Variants in RBBP8 observed in about 807,000 individuals in gnomAD.
The protein encoded by RBBP8 is RB binding protein 8, endonuclease, also known as DNA endonuclease RBBP8.
Under a neutral mutation model 108.3 loss-of-function variants are expected in RBBP8, and 88 were observed. The observed-to-expected ratio is 0.81, with a 90% confidence interval of 0.68 to 0.97. The LOEUF is 0.97. Ranked by LOEUF, RBBP8 falls within the 50% of genes least tolerant of loss-of-function variation. The probability of loss-of-function intolerance (pLI) is 0.00; values close to 1 mark genes in which losing one functional copy is unlikely to be tolerated. For missense variants in RBBP8, 1,023 were observed against 1,049.0 expected (o/e 0.98, Z 0.34); for synonymous variants, 332 against 348.2 (o/e 0.95, Z 0.52).
At chr18:22,942,140 G>C (rs577774105) in intron 2 of RBBP8, among the ~76,000 whole-genome samples, 75 of 152,158 alleles carry the variant, frequency 4.9e-4, no homozygotes, top group Admixed American at 1.1e-3. Context: ...ACATGGACTT[G>C]TCTGGACTTT....
Position 22,989,291 on chromosome 18 carries a change from A to G in RBBP8, c.780A>G (p.Thr260=). 2.5e-6 allele frequency: 4 copies of G among 1,608,612 alleles called. No homozygotes were observed. The highest frequency in any genetic ancestry group is 3.4e-6 in the Non-Finnish European group (4 of 1,175,328). The change falls in exon 9 of 19, where the codon ACA becomes ACG. Residue 260 remains threonine (T), a synonymous_variant. Transcript: ENST00000327155. ...SFNLATVVAE[T]LGLGVQEESE... ...ATTTAGCTACAGTTGTTGCTGAAAC[A>G]CTTGGACTTGGTGTTCAAGAAGAAT...
intron 3 of RBBP8, among the ~76,000 whole-genome samples, chr18:22,918,014 A>AAT (rs1567935595): frequency 6.7e-6 from 1 of 150,248 alleles, no homozygotes; most frequent in African/African-American, 2.5e-5. Flanking sequence ...AAAAAAAAAA[A>AAT]CATATAATGT....
In RBBP8 at chr18:23,022,256, C is replaced by T; in HGVS notation, c.2582C>T (p.Thr861Ile). The T allele has an allele frequency of 6.2e-7, 1 of 1,610,570 alleles. No homozygotes were observed. Among genetic ancestry groups the T allele is most frequent in the Non-Finnish European group, 8.5e-7 (1 of 1,176,898 alleles). Residue 861 changes from threonine (T) to isoleucine (I), a missense_variant, in exon 18 of 19, where the codon ACT becomes ATT. Coordinates refer to ENST00000327155, the MANE Select transcript of RBBP8 (RefSeq NM_002894.3). ...FWEVGFPSTQ[T>I]CMERGYIKED... is the part of the protein sequence containing the mutation. Reference sequence around the variant, plus strand: ...GAAGTTGGTTTTCCTTCCACTCAGACTTGTATGGAAAGAGGTGAGAGTATA... The same window carrying T: ...GAAGTTGGTTTTCCTTCCACTCAGATTTGTATGGAAAGAGGTGAGAGTATA...
intron 16 of RBBP8, among the ~76,000 whole-genome samples, chr18:23,015,557 C>T (rs555240965): frequency 8.9e-5 from 13 of 145,472 alleles, no homozygotes; most frequent in South Asian, 2.1e-4. Context: ...AAACATTTCC[C>T]GTATTTTTTT....
chr18:22,915,720 T>C (rs1468485954), intron 2 of RBBP8, among the ~76,000 whole-genome samples: 1 of 152,116 alleles, frequency 6.6e-6, no homozygotes, highest in Non-Finnish European at 1.5e-5. Flanking sequence ...ATATTGCATA[T>C]GATAATTTAA....
chr18:22,957,284 AC>A (rs1912640690), intron 4 of RBBP8, among the ~76,000 whole-genome samples: 1 of 90,340 alleles, frequency 1.1e-5, no homozygotes, highest in Admixed American at 1.4e-4. Context: ...TGTTGTAATT[AC>A]TTTTTCTTTT....
At position 22,949,598 on chromosome 18, in the gene RBBP8, AT is replaced by A. The variant is rs764092434; in HGVS notation, c.153-17del. 7 of 1,546,644 alleles carry A rather than the reference AT, an allele frequency of 4.5e-6. No individual in the cohort carries two copies. The Admixed American group carries it at 1.2e-4, about 26-fold the overall frequency. ...AAGAGTATTTTTATCTGAAAAACTT[AT>A]TTATTTTTTGACCTTTAGAGATGCA... is the stretch of plus-strand genomic sequence containing the variant. On this transcript the variant is annotated intron_variant, in intron 3 of 18. Transcript: ENST00000327155.
In RBBP8 at chr18:23,016,682, T is replaced by G. The variant is rs1736893166; in HGVS notation, c.2358-146T>G. Reference sequence around the variant, plus strand: ...TACCCATAAAAATACTTGGTGTATATATAGTAAGCACTTAATAAGTATTTG... The same window carrying G: ...TACCCATAAAAATACTTGGTGTATAGATAGTAAGCACTTAATAAGTATTTG... On this transcript the variant is annotated intron_variant, in intron 16 of 18. Transcript: ENST00000327155. 19 of 684,958 alleles carry G rather than the reference T, an allele frequency of 2.8e-5. 1 individual carries two copies. In the South Asian group the frequency reaches 3.2e-4, roughly 11 times the overall value. The allele number at this position is 684,958 out of a possible 1,614,324, so 42.4% of individuals were successfully genotyped here.
intron 2 of RBBP8, among the ~76,000 whole-genome samples, chr18:22,915,857 T>C (rs955848397): frequency 1.3e-5 from 2 of 152,120 alleles, no homozygotes; most frequent in African/African-American, 2.4e-5. Context: ...ATTTAAGAAC[T>C]AGATATACAT....
chr18:23,019,632 C>G (rs1352821241), intron 17 of RBBP8, among the ~76,000 whole-genome samples: 16 of 152,178 alleles, frequency 1.1e-4, no homozygotes, highest in Admixed American at 1.0e-3. Context: ...TTATTCACTA[C>G]TTTTTTCTTT....
At chr18:22,967,893 C>T (rs936297352) in intron 4 of RBBP8, among the ~76,000 whole-genome samples, 2 of 151,988 alleles carry the variant, frequency 1.3e-5, no homozygotes, top group Non-Finnish European at 2.9e-5. Flanking sequence ...GTGTTCCGCC[C>T]GCCTCGGCCT....
intron 16 of RBBP8, among the ~76,000 whole-genome samples, chr18:23,009,968 G>C (rs1327016414): frequency 6.6e-6 from 1 of 152,162 alleles, no homozygotes; most frequent in African/African-American, 2.4e-5. Context: ...CACCATGTTG[G>C]CCAGGATGGT....
intron 3 of RBBP8, among the ~76,000 whole-genome samples, chr18:22,927,726 C>A (rs1909844843): frequency 6.6e-6 from 1 of 151,918 alleles, no homozygotes. Flanking sequence ...CTGATTTTTA[C>A]TTAAAATGTA....
At position 22,936,843 on chromosome 18, in the gene RBBP8, T is replaced by C; in HGVS notation, c.-9T>C. 1 of 1,614,014 alleles carries C rather than the reference T, an allele frequency of 6.2e-7. No individual in the cohort carries two copies. Among genetic ancestry groups the C allele is most frequent in the South Asian group, 1.1e-5 (1 of 91,076 alleles). Reference sequence around the variant, plus strand: ...TAAGCAAGTAGAAGTGTGGAGCATATTAAGCAAGATGAACATCTCGGGAAG... The same window carrying C: ...TAAGCAAGTAGAAGTGTGGAGCATACTAAGCAAGATGAACATCTCGGGAAG... On this transcript the variant is annotated 5_prime_UTR_variant, in exon 2 of 19. Coordinates refer to ENST00000327155, the MANE Select transcript of RBBP8 (RefSeq NM_002894.3).
intron 4 of RBBP8, among the ~76,000 whole-genome samples, chr18:22,955,797 G>T (rs1912480381): frequency 1.3e-5 from 2 of 152,002 alleles, no homozygotes; most frequent in Admixed American, 1.3e-4. Context: ...CGCCAGGATG[G>T]CCTCGATCTC....
Position 22,936,942 on chromosome 18 carries a change from C to T in RBBP8, c.91C>T (p.His31Tyr). 6.2e-7 allele frequency: 1 copy of T among 1,614,014 alleles called. No homozygotes were observed. Among genetic ancestry groups the T allele is most frequent in the Non-Finnish European group, 8.5e-7 (1 of 1,180,016 alleles). ...KDLWTKLKEC[H>Y]DREVQGLQVK... is the part of the protein sequence containing the mutation. ...CCTTTGGACAAAACTAAAAGAATGT[C>T]ATGATAGAGAAGTACAAGGTAAAAT... is the stretch of plus-strand genomic sequence containing the variant. Residue 31 changes from histidine to tyrosine, a missense_variant, in exon 2 of 19, where the codon CAT becomes TAT. Coordinates refer to ENST00000327155, the MANE Select transcript of RBBP8 (RefSeq NM_002894.3).
chr18:22,987,281 G>A (rs967168140), intron 8 of RBBP8, among the ~76,000 whole-genome samples: 34 of 152,128 alleles, frequency 2.2e-4, no homozygotes, highest in African/African-American at 8.0e-4. Flanking sequence ...TGCTAGAGGA[G>A]TGGGGTACAG....
intron 17 of RBBP8, among the ~76,000 whole-genome samples, chr18:23,017,947 A>G (rs756165193): frequency 2.0e-5 from 3 of 151,378 alleles, no homozygotes; most frequent in Non-Finnish European, 4.4e-5. Context: ...GGGTTTCACT[A>G]TTTGGCCAGG....
Position 22,993,307 on chromosome 18 carries a change from T to C in RBBP8, c.1480T>C (p.Ser494Pro). The change falls in exon 11 of 19, where the codon TCT becomes CCT. Residue 494 changes from serine (S) to proline (P), a missense_variant. Coordinates refer to ENST00000327155, the MANE Select transcript of RBBP8 (RefSeq NM_002894.3). ...DCVMDKPLDL[S>P]DRFSAIQRQE... ...TGTGATGGATAAACCTCTGGATCTG[T>C]CTGATCGATTTTCAGCTATTCAGCG... 6.2e-7 allele frequency: 1 copy of C among 1,614,234 alleles called. No homozygotes were observed. Among genetic ancestry groups the C allele is most frequent in the Non-Finnish European group, 8.5e-7 (1 of 1,180,030 alleles).
Sources: gnomAD v4.1 joint callset for allele counts (sites outside exome capture counted in the v4.1 genomes callset) on GRCh38, gnomAD v4.1.1 for gene constraint, MANE v1.5 for transcripts, NCBI Gene and HGNC (gene_info 2026-07-23, HGNC 2026-07-21) for gene names.